ALK: variants seen among roughly 807,000 people sequenced by gnomAD.
ALK encodes ALK tyrosine kinase receptor.
ALK carries 74 observed loss-of-function variants against 163.1 expected under a neutral mutation model. The ratio of observed to expected loss-of-function variants is 0.45; its 90% CI spans 0.38 to 0.55. The LOEUF (loss-of-function observed/expected upper bound fraction) is 0.55. Ranked by LOEUF, ALK falls within the 20% of genes least tolerant of loss-of-function variation. The pLI is 0.00. For synonymous variants in ALK, 960 were observed against 843.2 expected (o/e 1.14, Z -2.40); for missense variants, 2,063 against 2,105.3 (o/e 0.98, Z 0.39).
At chr2:29,917,723 G>A (rs1033382848) in intron 1 of ALK, among the ~76,000 whole-genome samples, 3 of 152,218 alleles carry the variant, frequency 2.0e-5, no homozygotes, top group Non-Finnish European at 4.4e-5. Context: ...CACAAGGCCC[G>A]AAGTGCTTTT....
Position 29,226,904 on chromosome 2 carries a change from CT to C in ALK, c.3067+17del, listed in dbSNP as rs781479217. 101 of 1,613,990 alleles carry C rather than the reference CT, an allele frequency of 6.3e-5. No individual in the cohort carries two copies. The African/African-American group carries it at 1.3e-3, about 20-fold the overall frequency. ...CAGGCTATGGGCCCCTCTGCCTCCC[CT>C]GGCCCTGCCCCCTTACCAATGCAGG... is the stretch of plus-strand genomic sequence containing the variant. On this transcript the variant is annotated intron_variant, in intron 18 of 28. Transcript: ENST00000389048.
At chr2:29,591,855 C>T (rs1355100101) in intron 3 of ALK, among the ~76,000 whole-genome samples, 1 of 152,078 alleles carries the variant, frequency 6.6e-6, no homozygotes, top group Non-Finnish European at 1.5e-5. Flanking sequence ...GACAGACCTT[C>T]TGGGCCGTCA....
In ALK at chr2:29,320,899, G is replaced by A. The variant is rs773943842; in HGVS notation, c.1415-17C>T. The A allele has an allele frequency of 1.9e-6, 3 of 1,614,008 alleles. No homozygotes were observed. Among genetic ancestry groups the A allele is most frequent in the African/African-American group, 2.7e-5 (2 of 74,926 alleles). ...GCAGTTTCCCTATGGAGAGAGCAGA[G>A]AGGCACCATCATTTTCAGGACCACT... On this transcript the variant is annotated splice_polypyrimidine_tract_variant and intron_variant, in intron 6 of 28. Coordinates refer to ENST00000389048, the MANE Select transcript of ALK (RefSeq NM_004304.5).
intron 8 of ALK, among the ~76,000 whole-genome samples, chr2:29,308,172 T>G (rs1330640950): frequency 6.6e-6 from 1 of 152,126 alleles, no homozygotes; most frequent in Non-Finnish European, 1.5e-5. Flanking sequence ...AGCATGTTTA[T>G]GAAGACTAAT....
intron 1 of ALK, among the ~76,000 whole-genome samples, chr2:29,833,788 C>T (rs143482598): frequency 6.4e-4 from 98 of 152,332 alleles, no homozygotes; most frequent in African/African-American, 2.3e-3. Context: ...TCCTTGAAAG[C>T]ATCTCAAGCA....
intron 1 of ALK, among the ~76,000 whole-genome samples, chr2:29,761,390 A>G (rs1399833798): frequency 6.6e-6 from 1 of 152,144 alleles, no homozygotes; most frequent in Non-Finnish European, 1.5e-5. Flanking sequence ...AAATGGGAGC[A>G]ATAGGATGAT....
intron 4 of ALK, among the ~76,000 whole-genome samples, chr2:29,446,595 C>T (rs1670690171): frequency 6.6e-6 from 1 of 152,198 alleles, no homozygotes; most frequent in African/African-American, 2.4e-5. Flanking sequence ...TGATTCTTGG[C>T]TCTTCCGCCA....
intron 1 of ALK, among the ~76,000 whole-genome samples, chr2:29,853,008 G>A (rs574297726): frequency 2.0e-5 from 3 of 152,238 alleles, no homozygotes; most frequent in African/African-American, 7.2e-5. Context: ...AATAGATGTG[G>A]TTGTTTAGGG....
intron 3 of ALK, among the ~76,000 whole-genome samples, chr2:29,567,244 T>C (rs778837132): frequency 7.2e-5 from 11 of 152,274 alleles, no homozygotes; most frequent in Non-Finnish European, 1.0e-4. Flanking sequence ...TCTTGCAGCA[T>C]TTAGGATTTG....
chr2:29,375,223 G>A (rs1668727056), intron 5 of ALK, among the ~76,000 whole-genome samples: 1 of 152,198 alleles, frequency 6.6e-6, no homozygotes, highest in Non-Finnish European at 1.5e-5. Context: ...CATTTACAAG[G>A]CACCTCCACA....
intron 7 of ALK, among the ~76,000 whole-genome samples, 168 bp downstream of exon 7, chr2:29,320,583 C>T (rs1040921045): frequency 1.3e-5 from 2 of 152,208 alleles, no homozygotes; most frequent in East Asian, 1.9e-4. Context: ...TTTAATCACT[C>T]GAAAGCCCAA....
chr2:29,327,955 A>G (rs1023960096), intron 6 of ALK, among the ~76,000 whole-genome samples: 2 of 152,158 alleles, frequency 1.3e-5, no homozygotes, highest in Non-Finnish European at 2.9e-5. Flanking sequence ...GGTTCCATAC[A>G]GCCGGAGCTG....
intron 3 of ALK, among the ~76,000 whole-genome samples, chr2:29,605,211 C>A (rs980503866): frequency 6.6e-6 from 1 of 152,160 alleles, no homozygotes; most frequent in Non-Finnish European, 1.5e-5. Context: ...CCTGAATGTG[C>A]GGTGCACGAT....
chr2:29,331,673 C>G (rs1667443367), intron 5 of ALK, among the ~76,000 whole-genome samples: 1 of 152,126 alleles, frequency 6.6e-6, no homozygotes. Context: ...GAAGATGCCC[C>G]CTTGCCTGGG....
Position 29,639,958 on chromosome 2 carries a change from G to A in ALK, c.952+54892C>T, listed in dbSNP as rs150287879. On this transcript the variant is annotated intron_variant, in intron 3 of 28. Coordinates refer to ENST00000389048, the MANE Select transcript of ALK (RefSeq NM_004304.5). ...CTAGGAAACCTAGATCAAATGTGCTGGGTCTTGACGTTCAACTTAGGGATA... is the reference window on the plus strand; with the variant it reads ...CTAGGAAACCTAGATCAAATGTGCTAGGTCTTGACGTTCAACTTAGGGATA... Among the ~76,000 whole-genome samples the A allele has an allele frequency of 2.2e-3, 333 of 152,294 alleles. 3 individuals are homozygous for A. Among genetic ancestry groups the A allele is most frequent in the African/African-American group, 6.7e-3 (277 of 41,560 alleles).
chr2:29,876,326 G>GATGGTA (rs1666704967), intron 1 of ALK, among the ~76,000 whole-genome samples: 1 of 151,910 alleles, frequency 6.6e-6, no homozygotes, highest in Non-Finnish European at 1.5e-5. Context: ...TGGTGATGGT[G>GATGGTA]GTGGTGGTGG....
intron 4 of ALK, among the ~76,000 whole-genome samples, chr2:29,417,639 T>C (rs11684750): frequency 1.3e-5 from 2 of 152,162 alleles, no homozygotes; most frequent in African/African-American, 4.8e-5. Flanking sequence ...GCAAGCCTAT[T>C]TTTACTGATA....
At chr2:29,832,514 T>A (rs1665447655) in intron 1 of ALK, among the ~76,000 whole-genome samples, 1 of 152,246 alleles carries the variant, frequency 6.6e-6, no homozygotes, top group Admixed American at 6.5e-5. Flanking sequence ...GTGTGCACAC[T>A]AGGGCTACAC....
At chr2:29,435,379 C>T (rs528864468) in intron 4 of ALK, among the ~76,000 whole-genome samples, 154 of 152,206 alleles carry the variant, frequency 1.0e-3, no homozygotes, top group Admixed American at 3.6e-3. Flanking sequence ...AGAGTAATGC[C>T]TATATGCCTC....
Sources: allele counts gnomAD v4.1 joint callset (sites outside exome capture counted in the v4.1 genomes callset), GRCh38; gene constraint gnomAD v4.1.1; transcripts MANE v1.5; gene names NCBI Gene and HGNC (gene_info 2026-07-23, HGNC 2026-07-21).